CLASP1: variants seen among roughly 807,000 people sequenced by gnomAD.
The protein encoded by CLASP1 is cytoplasmic linker associated protein 1, also known as CLIP-associating protein 1.
CLASP1 carries 38 observed loss-of-function variants against 192.3 expected under a neutral mutation model. The ratio of observed to expected loss-of-function variants is 0.20; its 90% CI spans 0.15 to 0.26. The LOEUF (loss-of-function observed/expected upper bound fraction) is 0.26. Ranked by LOEUF, CLASP1 falls within the 10% of genes least tolerant of loss-of-function variation. CLASP1 has a pLI of 1.00. For missense variants in CLASP1, 1,433 were observed against 1,932.5 expected (o/e 0.74, Z 4.85); for synonymous variants, 691 against 712.8 (o/e 0.97, Z 0.49).
intron 17 of CLASP1, among the ~76,000 whole-genome samples, chr2:121,448,743 A>T (rs1436661841): frequency 6.6e-6 from 1 of 152,210 alleles, no homozygotes; most frequent in Non-Finnish European, 1.5e-5. Context: ...TGCCGTATAC[A>T]TTTAACTGAA....
intron 19 of CLASP1, among the ~76,000 whole-genome samples, chr2:121,435,179 T>G (rs1480203194): frequency 6.6e-6 from 1 of 152,188 alleles, no homozygotes; most frequent in Non-Finnish European, 1.5e-5. Context: ...AAAAAATAAA[T>G]ATTATATTGC....
At chr2:121,541,369 C>G (rs2095230139) in intron 2 of CLASP1, among the ~76,000 whole-genome samples, 3 of 152,122 alleles carry the variant, frequency 2.0e-5, no homozygotes, top group Non-Finnish European at 4.4e-5. Context: ...CACAATAATC[C>G]TGAGATATAG....
At chr2:121,404,552 G>C in intron 25 of CLASP1, 118 bp from the exon 27 acceptor site, 1 of 899,394 alleles carries the variant, frequency 1.1e-6, no homozygotes. Flanking sequence ...CTACAGCCTT[G>C]ATCTCCCAAG....
At chr2:121,639,381 T>C (rs905185235) in intron 1 of CLASP1, among the ~76,000 whole-genome samples, 1 of 152,064 alleles carries the variant, frequency 6.6e-6, no homozygotes, top group Admixed American at 6.5e-5. Context: ...ATATCCAGAA[T>C]AGGCAAATCC....
Position 121,427,486 on chromosome 2 carries a change from C to CA in CLASP1, c.2018-57dup, listed in dbSNP as rs369320514. ...CAAAAAGTGGATTAAAAGACAATAA[C>CA]ACAATACAGAAGGTCAGCATGCAAC... On this transcript the variant is annotated intron_variant, in intron 20 of 39. Transcript: ENST00000263710. 7.0e-6 allele frequency: 11 copies of CA among 1,582,262 alleles called. No individual in the cohort carries two copies. The African/African-American group carries it at 1.1e-4, about 15-fold the overall frequency.
intron 35 of CLASP1, among the ~76,000 whole-genome samples, chr2:121,367,220 C>T (rs1443228983): frequency 1.3e-5 from 2 of 152,188 alleles, no homozygotes; most frequent in African/African-American, 4.8e-5. Flanking sequence ...AAGGCTGAGC[C>T]CGCGCTCGCC....
intron 6 of CLASP1, among the ~76,000 whole-genome samples, chr2:121,518,231 CAAAAAAAA>C (rs35409200): frequency 1.0e-4 from 5 of 49,580 alleles, no homozygotes; most frequent in Non-Finnish European, 2.1e-4. Context: ...ACCCCCGTCT[CAAAAAAAA>C]AAAAAAAAAA....
chr2:121,595,383 A>C (rs2063013622), intron 2 of CLASP1, among the ~76,000 whole-genome samples: 1 of 152,236 alleles, frequency 6.6e-6, no homozygotes, highest in Admixed American at 6.5e-5. Flanking sequence ...GCGCTTAATA[A>C]GTGTTAGCTA....
At chr2:121,397,418 G>A (rs1000336129) in intron 29 of CLASP1, 135 bp from the exon 31 acceptor site, 22 of 728,202 alleles carry the variant, frequency 3.0e-5, no homozygotes, top group Non-Finnish European at 4.0e-5. Flanking sequence ...TAGTTTCCAC[G>A]TGGAGCGACA....
intron 19 of CLASP1, among the ~76,000 whole-genome samples, chr2:121,431,962 A>C (rs1047342600): frequency 1.3e-5 from 2 of 152,174 alleles, no homozygotes; most frequent in Non-Finnish European, 2.9e-5. Context: ...AAATAAATTT[A>C]CTTAACGCTT....
intron 30 of CLASP1, among the ~76,000 whole-genome samples, chr2:121,396,459 A>G (rs2075300015): frequency 6.6e-6 from 1 of 152,244 alleles, no homozygotes; most frequent in South Asian, 2.1e-4. Context: ...TTTTTGGAGC[A>G]TCAGGCTAAT....
intron 1 of CLASP1, among the ~76,000 whole-genome samples, chr2:121,617,212 T>C (rs568303428): frequency 1.3e-5 from 2 of 151,832 alleles, no homozygotes; most frequent in East Asian, 3.9e-4. Flanking sequence ...CTATCTCCTC[T>C]CAGCTTCCTT....
chr2:121,420,132 GAAA>G (rs397767392), intron 22 of CLASP1, among the ~76,000 whole-genome samples: 4 of 146,526 alleles, frequency 2.7e-5, no homozygotes, highest in Admixed American at 6.8e-5. Flanking sequence ...ACTGCTCAGG[GAAA>G]AAAAAAAAAG....
At chr2:121,405,173 G>A (rs955906852) in intron 25 of CLASP1, among the ~76,000 whole-genome samples, 1 of 152,162 alleles carries the variant, frequency 6.6e-6, no homozygotes, top group African/African-American at 2.4e-5. Context: ...GCCAGGCATG[G>A]TGGTGGGTGC....
intron 22 of CLASP1, among the ~76,000 whole-genome samples, chr2:121,421,593 G>C (rs2079512911): frequency 6.6e-6 from 1 of 151,286 alleles, no homozygotes; most frequent in South Asian, 2.1e-4. Context: ...GACCAGGCTG[G>C]AATGTGTGGC....
intron 7 of CLASP1, among the ~76,000 whole-genome samples, chr2:121,511,037 C>T (rs1044878153): frequency 4.0e-5 from 6 of 151,878 alleles, no homozygotes; most frequent in Admixed American, 6.6e-5. Flanking sequence ...ACACAACTGG[C>T]AGAGAGGTTA....
chr2:121,431,141 G>C (rs761479795), intron 19 of CLASP1, among the ~76,000 whole-genome samples: 18 of 152,042 alleles, frequency 1.2e-4, no homozygotes, highest in Non-Finnish European at 2.4e-4. Flanking sequence ...TTACAGAGAA[G>C]TAATGCAGGA....
In CLASP1 at chr2:121,485,635, G is replaced by A. The variant is rs948438063; in HGVS notation, c.713-15675C>T. ...TCTCAGCACTTTGGGAGGTCAAGGC[G>A]GGCGGATCACTTGAGGTCAGGAGTT... On this transcript the variant is annotated intron_variant, in intron 8 of 39. Coordinates refer to ENST00000263710, the Ensembl canonical transcript of CLASP1. 3.9e-5 allele frequency among the ~76,000 whole-genome samples: 6 copies of A among 152,214 alleles called. No individual in the cohort carries two copies. In the East Asian group the frequency reaches 5.8e-4, roughly 15 times the overall value.
intron 2 of CLASP1, chr2:121,530,794 C>G (rs992094584): frequency 3.4e-6 from 2 of 593,564 alleles, no homozygotes; most frequent in African/African-American, 3.7e-5. Context: ...GCTACCAGAC[C>G]GACTAGGGCG....
Sources: gnomAD v4.1 joint callset for allele counts (sites outside exome capture counted in the v4.1 genomes callset) on GRCh38, gnomAD v4.1.1 for gene constraint, MANE v1.5 for transcripts, NCBI Gene and HGNC (gene_info 2026-07-23, HGNC 2026-07-21) for gene names.